NLGN4X: variants seen among roughly 807,000 people sequenced by gnomAD.
The protein encoded by NLGN4X is neuroligin-4, X-linked.
Under a neutral mutation model 40.3 loss-of-function variants are expected in NLGN4X, and 3 were observed. That is an observed-to-expected ratio of 0.07 (90% CI 0.03 to 0.19). The LOEUF (loss-of-function observed/expected upper bound fraction) is 0.19, where lower values mean the gene tolerates loss of function less well. NLGN4X is among the 10% of genes least tolerant of loss of function. The pLI is 1.00. For missense variants in NLGN4X, 382 were observed against 708.3 expected (o/e 0.54, Z 5.23); for synonymous variants, 270 against 306.8 (o/e 0.88, Z 1.25).
chrX:6,209,177 A>G (rs968315087), intron 1 of NLGN4X, among the ~76,000 whole-genome samples: 6 of 111,859 alleles, frequency 5.4e-5, no homozygotes, highest in African/African-American at 1.6e-4. Context: ...GGAGCTAAAT[A>G]ATGTGTACAC....
intron 2 of NLGN4X, among the ~76,000 whole-genome samples, chrX:6,055,502 G>T (rs76922005): frequency 9.0e-6 from 1 of 110,961 alleles, no homozygotes; most frequent in East Asian, 2.9e-4. Context: ...TGCTGGTTGT[G>T]GGGGGGCTTA....
intron 2 of NLGN4X, among the ~76,000 whole-genome samples, chrX:6,139,451 T>C (rs2039892208): frequency 8.9e-6 from 1 of 112,094 alleles, no homozygotes; most frequent in Non-Finnish European, 1.9e-5. Flanking sequence ...GTCTTAGTTT[T>C]ATCTCTCCCT....
chrX:5,896,214 GA>G (rs1024459730), intron 5 of NLGN4X, among the ~76,000 whole-genome samples: 4 of 111,724 alleles, frequency 3.6e-5, no homozygotes, highest in Non-Finnish European at 5.6e-5. Flanking sequence ...GAAAGGTAAA[GA>G]AAACACATTA....
chrX:6,217,330 A>G (rs748546272), intron 1 of NLGN4X, among the ~76,000 whole-genome samples: 8 of 112,230 alleles, frequency 7.1e-5, no homozygotes, highest in Non-Finnish European at 1.1e-4. Flanking sequence ...ATGCCTAAAT[A>G]CATTTGATTG....
chrX:6,128,226 GCACA>G (rs1446308407), intron 2 of NLGN4X, among the ~76,000 whole-genome samples: 2 of 111,375 alleles, frequency 1.8e-5, no homozygotes, highest in Admixed American at 9.6e-5. Context: ...ACAGACTGAG[GCACA>G]CACCCCTGGC....
intron 3 of NLGN4X, among the ~76,000 whole-genome samples, chrX:5,995,718 G>A (rs1012113462): frequency 3.6e-5 from 4 of 111,957 alleles, no homozygotes; most frequent in Non-Finnish European, 5.6e-5. Flanking sequence ...AGGGGCCATC[G>A]AGATGGTGAT....
intron 2 of NLGN4X, among the ~76,000 whole-genome samples, chrX:6,133,987 T>C (rs1436943733): frequency 9.0e-6 from 1 of 111,547 alleles, no homozygotes; most frequent in Non-Finnish European, 1.9e-5. Flanking sequence ...CTTATTTGTG[T>C]TCCATTAAAC....
At chrX:6,009,030 CTTTCT>C (rs886609997) in intron 3 of NLGN4X, among the ~76,000 whole-genome samples, 51 of 110,576 alleles carry the variant, frequency 4.6e-4, no homozygotes, top group African/African-American at 1.2e-3. Flanking sequence ...TCAGAATTTC[CTTTCT>C]TTTAAGGGCT....
At chrX:6,047,400 C>T (rs1318131946) in intron 2 of NLGN4X, among the ~76,000 whole-genome samples, 1 of 111,636 alleles carries the variant, frequency 9.0e-6, no homozygotes, top group East Asian at 2.8e-4. Context: ...ATCACCTAAG[C>T]CCGGGACCAA....
At chrX:6,020,919 C>T (rs980385345) in intron 3 of NLGN4X, among the ~76,000 whole-genome samples, 15 of 109,809 alleles carry the variant, frequency 1.4e-4, no homozygotes, top group African/African-American at 5.0e-4. Flanking sequence ...TCAAGCAATC[C>T]TCCTGCCTCA....
At chrX:6,209,056 A>G (rs1924318774) in intron 1 of NLGN4X, among the ~76,000 whole-genome samples, 1 of 112,479 alleles carries the variant, frequency 8.9e-6, no homozygotes, top group African/African-American at 3.2e-5. Context: ...AGCCATAAAA[A>G]GAACGAAACT....
intron 3 of NLGN4X, among the ~76,000 whole-genome samples, chrX:6,008,825 A>G (rs1028342110): frequency 2.7e-5 from 3 of 112,024 alleles, no homozygotes; most frequent in Admixed American, 9.5e-5. Flanking sequence ...AACTCTATCC[A>G]TTAGGAAATA....
At chrX:6,039,774 T>G (rs955202049) in intron 2 of NLGN4X, among the ~76,000 whole-genome samples, 5 of 112,414 alleles carry the variant, frequency 4.4e-5, no homozygotes, top group African/African-American at 1.6e-4. Flanking sequence ...CCATCTTGAA[T>G]AGCAATCCAA....
chrX:5,952,547 G>A (rs1156406662), intron 3 of NLGN4X, among the ~76,000 whole-genome samples: 3 of 110,601 alleles, frequency 2.7e-5, no homozygotes, highest in African/African-American at 6.6e-5. Flanking sequence ...ACCAGATGAC[G>A]AATTAGACTT....
rs60528751 is a variant in NLGN4X, at chrX:6,059,054, TA to T, written c.473-29623del. Among the ~76,000 whole-genome samples the T allele has an allele frequency of 5.2e-3, 577 of 110,041 alleles. 5 individuals are homozygous for T. The highest frequency in any genetic ancestry group is 0.018 in the African/African-American group (553 of 30,330). On this transcript the variant is annotated intron_variant, in intron 2 of 5. Coordinates refer to ENST00000381095, the MANE Select transcript of NLGN4X (RefSeq NM_181332.3). ...AAGTGAATTAGATTTTGGAATTAGC[TA>T]AAAAAAAATATGCATTTGGTATACT...
At chrX:6,020,965 C>CCACATCTG (rs1172040955) in intron 3 of NLGN4X, among the ~76,000 whole-genome samples, 1 of 106,247 alleles carries the variant, frequency 9.4e-6, no homozygotes, top group Non-Finnish European at 1.9e-5. Flanking sequence ...GCATACATCA[C>CCACATCTG]CACATCTGGC....
At chrX:6,077,310 GGTGT>G (rs57429713) in intron 2 of NLGN4X, among the ~76,000 whole-genome samples, 2 of 102,545 alleles carry the variant, frequency 2.0e-5, no homozygotes, top group South Asian at 4.6e-4. Flanking sequence ...GTGTGTGTGT[GGTGT>G]GTGTGTGTGT....
rs1162137983 is a variant in NLGN4X, at chrX:5,891,015, C to G, written c.*1802G>C. ...ATTTCTAGAATAACCCACAATGGAG[C>G]CGAGGAACATGATCTTCAAATATCT... On this transcript the variant is annotated 3_prime_UTR_variant, in exon 6 of 6. Transcript: ENST00000381095. 4 of 300,150 alleles carry G rather than the reference C, an allele frequency of 1.3e-5. No homozygotes were observed. Among genetic ancestry groups the G allele is most frequent in the Non-Finnish European group, 2.5e-5 (4 of 159,970 alleles). 24.7% of individuals were successfully genotyped at this position (300,150 alleles called of 1,213,427 possible). A position where few individuals can be genotyped will look rare whatever the true frequency, so the allele number is the denominator to read the frequency against.
At chrX:6,000,919 T>C (rs979552750) in intron 3 of NLGN4X, among the ~76,000 whole-genome samples, 5 of 111,583 alleles carry the variant, frequency 4.5e-5, no homozygotes, top group Admixed American at 2.9e-4. Context: ...ATTAAAGACA[T>C]ACCCGAGAGT....
Sources: gnomAD v4.1 joint callset for allele counts (sites outside exome capture counted in the v4.1 genomes callset) on GRCh38, gnomAD v4.1.1 for gene constraint, MANE v1.5 for transcripts, NCBI Gene and HGNC (gene_info 2026-07-23, HGNC 2026-07-21) for gene names.